The following TMEM41B variants were observed in gnomAD, a reference collection of about 807,000 sequenced individuals.
The protein encoded by TMEM41B is protein stasimon.
A neutral mutation model predicts 31.9 loss-of-function variants in TMEM41B; 18 were observed. The observed-to-expected ratio is 0.56, with a 90% CI of 0.39 to 0.84. The LOEUF is 0.84. TMEM41B is among the 40% of genes least tolerant of loss of function. TMEM41B has a pLI of 0.00. For synonymous variants in TMEM41B, 144 were observed against 124.3 expected, an observed-to-expected ratio of 1.16 and a Z score of -1.05; for missense variants, 322 against 348.0, an observed-to-expected ratio of 0.93 and a Z score of 0.59.
At chr11:9,289,458 T>C (rs1020728650) in intron 3 of TMEM41B, among the ~76,000 whole-genome samples, 13 of 152,126 alleles carry the variant, frequency 8.5e-5, no homozygotes, top group Non-Finnish European at 1.8e-4. Flanking sequence ...TATTCCTTTT[T>C]CTCTAGTTCC....
chr11:9,300,575 G>A (rs771780092), intron 1 of TMEM41B, among the ~76,000 whole-genome samples: 2 of 152,008 alleles, frequency 1.3e-5, no homozygotes, highest in African/African-American at 4.8e-5. Context: ...CTCAGTATTA[G>A]CTTAAAAAAT....
In TMEM41B at chr11:9,286,489, C is replaced by T; in HGVS notation, c.672G>A (p.Val224=). ...FINITSPVIN[V]PLKVFFIGTF... is the part of the protein sequence containing the mutation. ...TACCAATAAAAAAAACTTTCAATGG[C>T]ACGTTTATCACAGGAGATGTGATAT... Residue 224 remains valine (V), a synonymous_variant, in exon 6 of 7, where the codon GTG becomes GTA. Transcript: ENST00000528080. The T allele has an allele frequency of 6.2e-7, 1 of 1,611,088 alleles. No individual in the cohort carries two copies. Among genetic ancestry groups the T allele is most frequent in the Non-Finnish European group, 8.5e-7 (1 of 1,179,206 alleles).
intron 1 of TMEM41B, chr11:9,311,671 TG>T: frequency 1.2e-6 from 1 of 811,666 alleles, no homozygotes; most frequent in Non-Finnish European, 2.2e-6. Flanking sequence ...CCTGGCTGCC[TG>T]GCACTGGGAT....
At chr11:9,288,563 A>ATTATATTC (rs1852887288) in intron 3 of TMEM41B, 28 bp from the exon 4 acceptor site, 1 of 1,460,574 alleles carries the variant, frequency 6.8e-7, no homozygotes. Flanking sequence ...AAGGATTAGA[A>ATTATATTC]TATAATTAAG....
intron 1 of TMEM41B, among the ~76,000 whole-genome samples, chr11:9,305,315 T>C (rs1853361989): frequency 6.6e-6 from 1 of 152,090 alleles, no homozygotes; most frequent in Non-Finnish European, 1.5e-5. Context: ...TTTATAATTA[T>C]AGGCCAGGTG....
chr11:9,290,383 A>G (rs916240035), intron 3 of TMEM41B, among the ~76,000 whole-genome samples: 1 of 151,974 alleles, frequency 6.6e-6, no homozygotes, highest in South Asian at 2.1e-4. Context: ...TCTCAAAAAC[A>G]AAACAAAACA....
chr11:9,299,325 T>TACATACACACACACACACACAC (rs1554943934), intron 2 of TMEM41B, among the ~76,000 whole-genome samples: 1 of 123,144 alleles, frequency 8.1e-6, no homozygotes, highest in Non-Finnish European at 1.6e-5. Flanking sequence ...TATACATACA[T>TACATACACACACACACACACAC]ACACACACAC....
chr11:9,290,038 AAC>A (rs138140225), intron 3 of TMEM41B, among the ~76,000 whole-genome samples: 80 of 149,696 alleles, frequency 5.3e-4, no homozygotes, highest in South Asian at 1.3e-3. Context: ...TCAAAAACAA[AAC>A]ACACACACAC....
chr11:9,291,136 T>C (rs1210333942), intron 3 of TMEM41B, among the ~76,000 whole-genome samples: 1 of 151,664 alleles, frequency 6.6e-6, no homozygotes, highest in Non-Finnish European at 1.5e-5. Flanking sequence ...AAAATAAAAA[T>C]AAGGCTGGGC....
At chr11:9,296,636 A>G (rs1023264390) in intron 2 of TMEM41B, among the ~76,000 whole-genome samples, 2 of 151,716 alleles carry the variant, frequency 1.3e-5, no homozygotes, top group African/African-American at 2.4e-5. Flanking sequence ...AAGAAAGAAA[A>G]AAAGAACCAC....
Position 9,311,145 on chromosome 11 carries a change from C to A in TMEM41B, c.121+3176G>T, listed in dbSNP as rs1383600145. The A allele has an allele frequency of 1.1e-5, 11 of 1,021,760 alleles. No individual in the cohort carries two copies. The East Asian group carries it at 3.9e-4, about 36-fold the overall frequency. 63.3% of individuals were successfully genotyped at this position (1,021,760 alleles called of 1,614,324 possible). A position where few individuals can be genotyped will look rare whatever the true frequency, so the allele number is the denominator to read the frequency against. On this transcript the variant is annotated intron_variant, in intron 1 of 6. Coordinates refer to ENST00000528080, the MANE Select transcript of TMEM41B (RefSeq NM_015012.4). ...TTTTCCCTAGCCACTCAGGGCTCAACAGCAGGGTGAAGCTCAGGCGGGGGT... is the reference window on the plus strand; with the variant it reads ...TTTTCCCTAGCCACTCAGGGCTCAAAAGCAGGGTGAAGCTCAGGCGGGGGT...
intron 1 of TMEM41B, among the ~76,000 whole-genome samples, chr11:9,312,307 C>A (rs76509299): frequency 0.059 from 8,914 of 152,072 alleles, 355 homozygotes; most frequent in South Asian, 0.099. Flanking sequence ...CGCTTGAGCC[C>A]AGGACTTCAA....
chr11:9,303,641 ATTCT>A (rs1286977687), intron 1 of TMEM41B, among the ~76,000 whole-genome samples: 2 of 141,808 alleles, frequency 1.4e-5, no homozygotes, highest in Admixed American at 7.5e-5. Flanking sequence ...AGTCCCTATT[ATTCT>A]TTTTCTTTTT....
intron 1 of TMEM41B, among the ~76,000 whole-genome samples, chr11:9,303,864 C>T (rs1159524150): frequency 6.6e-6 from 1 of 152,064 alleles, no homozygotes; most frequent in Non-Finnish European, 1.5e-5. Context: ...AACGGAGTTT[C>T]ACATTGTTGG....
At chr11:9,284,094 A>T (rs1005230064) in intron 6 of TMEM41B, among the ~76,000 whole-genome samples, 1 of 151,030 alleles carries the variant, frequency 6.6e-6, no homozygotes, top group African/African-American at 2.4e-5. Flanking sequence ...AGAATAATGA[A>T]TTTTAAAAAC....
At chr11:9,302,265 C>T (rs1853282613) in intron 1 of TMEM41B, among the ~76,000 whole-genome samples, 2 of 99,912 alleles carry the variant, frequency 2.0e-5, no homozygotes, top group Admixed American at 9.6e-5. Flanking sequence ...GCCTCGGCCT[C>T]CCAAAGTGCT....
At chr11:9,295,053 A>T in intron 3 of TMEM41B, 1 of 736,420 alleles carries the variant, frequency 1.4e-6, no homozygotes, top group Non-Finnish European at 1.8e-6. Context: ...AAGAACTTCT[A>T]ATAAATATTC....
chr11:9,311,344 C>T (rs1564969849), intron 1 of TMEM41B: 1 of 1,509,372 alleles, frequency 6.6e-7, no homozygotes, highest in South Asian at 1.1e-5. Context: ...TTTTTATGAG[C>T]TTTCTTCATT....
intron 6 of TMEM41B, among the ~76,000 whole-genome samples, chr11:9,284,166 C>G (rs1018486771): frequency 6.6e-6 from 1 of 151,946 alleles, no homozygotes; most frequent in South Asian, 2.1e-4. Context: ...TTTCTCCCCC[C>G]GAGAGTTTGA....
Sources: gnomAD v4.1 joint callset for allele counts (sites outside exome capture counted in the v4.1 genomes callset) on GRCh38, gnomAD v4.1.1 for gene constraint, MANE v1.5 for transcripts, NCBI Gene and HGNC (gene_info 2026-07-23, HGNC 2026-07-21) for gene names.